The following HDAC9 variants were observed in gnomAD, a reference collection of about 807,000 sequenced individuals.
The protein encoded by HDAC9 is histone deacetylase 9.
Under a neutral mutation model 139.4 loss-of-function variants are expected in HDAC9, and 41 were observed. The observed-to-expected ratio is 0.29, with a 90% CI of 0.23 to 0.38. The LOEUF (loss-of-function observed/expected upper bound fraction) is 0.38. HDAC9 is among the 10% of genes least tolerant of loss of function. HDAC9 has a pLI of 1.00. For synonymous variants in HDAC9, 517 were observed against 476.2 expected, an observed-to-expected ratio of 1.09 and a Z score of -1.12; for missense variants, 1,147 against 1,297.0, an observed-to-expected ratio of 0.88 and a Z score of 1.78.
intron 22 of HDAC9, among the ~76,000 whole-genome samples, chr7:18,910,683 A>G (rs957199911): frequency 6.6e-6 from 1 of 151,854 alleles, no homozygotes; most frequent in African/African-American, 2.4e-5. Context: ...TGCGGGTTCA[A>G]ATGCTCTTTC....
chr7:18,164,557 T>C (rs2128129021), intron 2 of HDAC9, among the ~76,000 whole-genome samples: 1 of 152,310 alleles, frequency 6.6e-6, no homozygotes, highest in East Asian at 1.9e-4. Context: ...AGAAATTCTT[T>C]AATAGTCCAT....
At chr7:18,280,646 C>T (rs1350061241) in intron 2 of HDAC9, among the ~76,000 whole-genome samples, 2 of 151,384 alleles carry the variant, frequency 1.3e-5, no homozygotes, top group Admixed American at 6.6e-5. Flanking sequence ...ACTTATAGTC[C>T]CAGCTACTCA....
At chr7:18,275,232 CTT>C (rs1229717434) in intron 2 of HDAC9, among the ~76,000 whole-genome samples, 4 of 152,178 alleles carry the variant, frequency 2.6e-5, no homozygotes, top group African/African-American at 9.7e-5. Flanking sequence ...AGAAACTCCT[CTT>C]GTCTGTACCT....
intron 1 of HDAC9, among the ~76,000 whole-genome samples, chr7:18,300,159 CT>C (rs1213181367): frequency 6.6e-6 from 1 of 151,864 alleles, no homozygotes; most frequent in Non-Finnish European, 1.5e-5. Flanking sequence ...AATTTGTAAA[CT>C]TTCCTAAAAC....
chr7:18,745,834 C>T (rs1200133003), intron 13 of HDAC9, among the ~76,000 whole-genome samples: 1 of 151,290 alleles, frequency 6.6e-6, no homozygotes, highest in Non-Finnish European at 1.5e-5. Flanking sequence ...GCGTGAGCCA[C>T]CGTGCCCGGC....
intron 2 of HDAC9, among the ~76,000 whole-genome samples, chr7:18,257,437 A>AC (rs756241931): frequency 0.055 from 7,739 of 141,202 alleles, 247 homozygotes; most frequent in East Asian, 0.12. Flanking sequence ...ACACACACAC[A>AC]AAAAGAAAAA....
chr7:18,439,545 C>G lies in HDAC9; in HGVS notation c.-41-56717C>G, dbSNP rs998687085. On this transcript the variant is annotated intron_variant, in intron 1 of 3. Transcript: ENST00000413509. ...GCTAATATGCCCACCATCACCTTCC[C>G]CGATTCATTACTCGAAGGAACCCTG... Among the ~76,000 whole-genome samples, 5 of 152,070 alleles carry G rather than the reference C, an allele frequency of 3.3e-5. No homozygotes were observed. In the South Asian group the frequency reaches 1.0e-3, roughly 31 times the overall value.
intron 12 of HDAC9, among the ~76,000 whole-genome samples, chr7:18,698,690 G>A (rs1365113234): frequency 6.6e-6 from 1 of 152,172 alleles, no homozygotes; most frequent in Non-Finnish European, 1.5e-5. Flanking sequence ...GTATTTTGCT[G>A]CCTTGCGGCC....
intron 11 of HDAC9, among the ~76,000 whole-genome samples, chr7:18,651,380 A>G (rs76502748): frequency 2.0e-5 from 3 of 152,308 alleles, no homozygotes; most frequent in East Asian, 1.9e-4. Context: ...ATATTTAAAT[A>G]TATCTTCTTT....
chr7:18,835,968 G>A lies in HDAC9; in HGVS notation c.2655G>A (p.Met885Ile). Residue 885 changes from methionine to isoleucine, a missense_variant, in exon 21 of 26, where the codon ATG becomes ATA. Coordinates refer to ENST00000686413, the MANE Select transcript of HDAC9 (RefSeq NM_178425.4). ...GGACAGGTGGCCTTGATCCTCCCAT[G>A]GGAGATGTTGAGTACCTTGAAGCAT... is the stretch of plus-strand genomic sequence containing the variant. ...IAWTGGLDPP[M>I]GDVEYLEAFR... The A allele has an allele frequency of 6.4e-7, 1 of 1,565,388 alleles. No homozygotes were observed. The highest frequency in any genetic ancestry group is 8.7e-7 in the Non-Finnish European group (1 of 1,153,312).
intron 12 of HDAC9, among the ~76,000 whole-genome samples, chr7:18,684,834 TG>T (rs1782151672): frequency 6.6e-6 from 1 of 151,998 alleles, no homozygotes; most frequent in Non-Finnish European, 1.5e-5. Flanking sequence ...TTCCTAATGG[TG>T]TCATGGAAAA....
At chr7:18,867,875 C>T (rs1402646138) in intron 21 of HDAC9, among the ~76,000 whole-genome samples, 3 of 152,078 alleles carry the variant, frequency 2.0e-5, no homozygotes, top group African/African-American at 7.2e-5. Flanking sequence ...TTTGCTTCCT[C>T]TTCTGGGCGA....
chr7:18,840,014 A>C (rs773755353), intron 21 of HDAC9, among the ~76,000 whole-genome samples: 1 of 152,126 alleles, frequency 6.6e-6, no homozygotes, highest in Non-Finnish European at 1.5e-5. Context: ...ATTTCCAACG[A>C]ATAAGATTTT....
chr7:18,531,376 A>T (rs1007315176), intron 2 of HDAC9, among the ~76,000 whole-genome samples: 1 of 152,152 alleles, frequency 6.6e-6, no homozygotes, highest in Non-Finnish European at 1.5e-5. Context: ...AGAAAATAAG[A>T]ATTTAAACCA....
chr7:18,849,701 G>A (rs1362779501), intron 21 of HDAC9, among the ~76,000 whole-genome samples: 2 of 151,902 alleles, frequency 1.3e-5, no homozygotes, highest in Non-Finnish European at 2.9e-5. Context: ...ATTTTGCTGA[G>A]GAAAAAAATA....
chr7:18,806,140 A>T (rs932571187), intron 17 of HDAC9, among the ~76,000 whole-genome samples: 6 of 152,226 alleles, frequency 3.9e-5, no homozygotes, highest in African/African-American at 1.4e-4. Context: ...GATAAAAACT[A>T]AAGAAAGACT....
intron 22 of HDAC9, among the ~76,000 whole-genome samples, chr7:18,918,882 G>A (rs946053754): frequency 2.0e-5 from 3 of 152,140 alleles, no homozygotes; most frequent in African/African-American, 7.2e-5. Flanking sequence ...ATTGTTTTGT[G>A]TTGAGAATCA....
At chr7:18,126,148 T>G (rs1784653737) in intron 1 of HDAC9, among the ~76,000 whole-genome samples, 1 of 152,224 alleles carries the variant, frequency 6.6e-6, no homozygotes, top group Admixed American at 6.5e-5. Flanking sequence ...ATTGATTCGC[T>G]TGTGTCCTGT....
chr7:18,520,153 A>G (rs1804566054), intron 2 of HDAC9, among the ~76,000 whole-genome samples: 1 of 152,134 alleles, frequency 6.6e-6, no homozygotes, highest in Non-Finnish European at 1.5e-5. Flanking sequence ...TTAATAATTA[A>G]AAGTATTAAT....
Sources: allele counts gnomAD v4.1 joint callset (sites outside exome capture counted in the v4.1 genomes callset), GRCh38; gene constraint gnomAD v4.1.1; transcripts MANE v1.5; gene names NCBI Gene and HGNC (gene_info 2026-07-23, HGNC 2026-07-21).